Variants in PRDM16 observed in about 807,000 individuals in gnomAD.
PRDM16 encodes histone-lysine N-methyltransferase PRDM16.
PRDM16 carries 23 observed loss-of-function variants against 110.6 expected under a neutral mutation model. The ratio of observed to expected loss-of-function variants is 0.21; its 90% CI spans 0.15 to 0.29. The LOEUF (loss-of-function observed/expected upper bound fraction) is 0.29, where lower values mean the gene tolerates loss of function less well. Ranked by LOEUF, PRDM16 falls within the 10% of genes least tolerant of loss-of-function variation. The pLI, the probability that PRDM16 is intolerant of heterozygous loss-of-function variation, is 1.00. For synonymous variants in PRDM16, 799 were observed against 781.8 expected (o/e 1.02, Z -0.37); for missense variants, 1,615 against 1,794.3 (o/e 0.90, Z 1.81).
At chr1:3,082,447 C>T (rs1193292264) in intron 1 of PRDM16, among the ~76,000 whole-genome samples, 1 of 152,214 alleles carries the variant, frequency 6.6e-6, no homozygotes, top group Non-Finnish European at 1.5e-5. Context: ...GGTGAGGGAC[C>T]TCAGCCTGCA....
intron 1 of PRDM16, among the ~76,000 whole-genome samples, chr1:3,160,612 G>A (rs1040305852): frequency 2.0e-5 from 3 of 152,194 alleles, no homozygotes; most frequent in African/African-American, 7.2e-5. Context: ...GTGCAGGGGA[G>A]GCCTCTGGAC....
intron 1 of PRDM16, among the ~76,000 whole-genome samples, chr1:3,167,923 C>CCT (rs1557497781): frequency 1.1e-3 from 1 of 922 alleles, no homozygotes; most frequent in African/African-American, 4.5e-3. Context: ...GCATCGCCCC[C>CCT]GCTCCTGCCA....
At chr1:3,168,290 C>T (rs1381995334) in intron 1 of PRDM16, among the ~76,000 whole-genome samples, 1 of 35,310 alleles carries the variant, frequency 2.8e-5, no homozygotes, top group Non-Finnish European at 5.4e-5. Context: ...CTGCCATCCT[C>T]CCGCCCCACC....
intron 4 of PRDM16, among the ~76,000 whole-genome samples, chr1:3,395,610 G>A (rs938893244): frequency 1.2e-4 from 19 of 152,204 alleles, no homozygotes; most frequent in South Asian, 4.1e-4. Flanking sequence ...CTCCCGGACC[G>A]AAGACACAGG....
chr1:3,083,662 G>A (rs1363953936), intron 1 of PRDM16, among the ~76,000 whole-genome samples: 2 of 152,138 alleles, frequency 1.3e-5, no homozygotes, highest in African/African-American at 2.4e-5. Context: ...TCCTGCCCTC[G>A]GGGGTTTCCT....
chr1:3,295,467 C>T (rs1311612280), intron 3 of PRDM16, among the ~76,000 whole-genome samples: 2 of 152,178 alleles, frequency 1.3e-5, no homozygotes, highest in Non-Finnish European at 2.9e-5. Context: ...CAGCCCAAAC[C>T]TCCAGGAGCA....
rs1341750606 is a variant in PRDM16, at chr1:3,425,124, C to T, written c.2940-457C>T. 1 of 146,292 alleles carries T rather than the reference C, an allele frequency of 6.8e-6. No individual in the cohort carries two copies. The highest frequency in any genetic ancestry group is 1.5e-5 in the Non-Finnish European group (1 of 68,078). 9.1% of individuals were successfully genotyped at this position (146,292 alleles called of 1,614,324 possible). A position where few individuals can be genotyped will look rare whatever the true frequency, so the allele number is the denominator to read the frequency against. On this transcript the variant is annotated intron_variant, in intron 12 of 16. Transcript: ENST00000270722. This position sits in a 1 kb window ranked among gnomAD's most constrained non-coding sequence, Gnocchi z 6.9. ...ATGGAGTCTCGCTCTGTCGCCCAGG[C>T]TGGAGTGCGGTGGCGTGATCTTGGC...
intron 3 of PRDM16, among the ~76,000 whole-genome samples, chr1:3,289,299 G>A (rs1640922173): frequency 6.6e-6 from 1 of 152,230 alleles, no homozygotes; most frequent in Admixed American, 6.5e-5. Context: ...GCGCTGGCAG[G>A]GAGGGGGTCA....
Position 3,437,752 on chromosome 1 carries a change from A to AAAATAAAT in PRDM16, c.*3957_*3964dup. On this transcript the variant is annotated 3_prime_UTR_variant, in exon 17 of 17. Transcript: ENST00000270722. ...TGATCCGTATTACCACTTTTGGAAA[A>AAAATAAAT]AAATAAATAAATAAATAAATAAAAG... is the stretch of plus-strand genomic sequence containing the variant. The AAAATAAAT allele has an allele frequency of 4.6e-6, 1 of 218,908 alleles. No individual in the cohort carries two copies. The highest frequency in any genetic ancestry group is 9.2e-6 in the Non-Finnish European group (1 of 109,042). The allele number at this position is 218,908 out of a possible 1,614,324, so 13.6% of individuals were successfully genotyped here. A position where few individuals can be genotyped will look rare whatever the true frequency, so the allele number is the denominator to read the frequency against.
chr1:3,089,093 G>A (rs1642215604), intron 1 of PRDM16, among the ~76,000 whole-genome samples: 1 of 152,206 alleles, frequency 6.6e-6, no homozygotes, highest in Non-Finnish European at 1.5e-5. Context: ...GAGATGCAGG[G>A]ATTCTAATAG....
At chr1:3,132,701 G>C (rs924041667) in intron 1 of PRDM16, among the ~76,000 whole-genome samples, 2 of 152,230 alleles carry the variant, frequency 1.3e-5, no homozygotes, top group African/African-American at 4.8e-5. Context: ...CCTCCCAAGA[G>C]AGAGTAGACG....
At position 3,163,443 on chromosome 1, in the gene PRDM16, A is replaced by G. The variant is rs186652622; in HGVS notation, c.38-22682A>G. ...GCGTGCACAGCCGGAGGCCTGAGTGAGCACCTCTGACGGTCCAGCCCAGAG... is the reference window on the plus strand; with the variant it reads ...GCGTGCACAGCCGGAGGCCTGAGTGGGCACCTCTGACGGTCCAGCCCAGAG... On this transcript the variant is annotated intron_variant, in intron 1 of 16. Transcript: ENST00000270722. 1.6e-4 allele frequency among the ~76,000 whole-genome samples: 25 copies of G among 152,318 alleles called. 3 individuals are homozygous for G. Among genetic ancestry groups the G allele is most frequent in the Admixed American group, 1.2e-3 (18 of 15,300 alleles).
At chr1:3,354,670 G>A (rs1464791453) in intron 3 of PRDM16, among the ~76,000 whole-genome samples, 4 of 152,082 alleles carry the variant, frequency 2.6e-5, no homozygotes, top group African/African-American at 7.2e-5. Context: ...TCTGCAGAGC[G>A]TTCCATTTCT....
chr1:3,192,331 G>A (rs756814894), intron 2 of PRDM16, among the ~76,000 whole-genome samples: 26 of 152,246 alleles, frequency 1.7e-4, no homozygotes, highest in East Asian at 5.8e-4. Context: ...TGGGAGTTCC[G>A]GCTGGGTTTT....
chr1:3,114,161 A>ACG (rs1642862372), intron 1 of PRDM16, among the ~76,000 whole-genome samples: 1 of 112,514 alleles, frequency 8.9e-6, no homozygotes, highest in African/African-American at 3.2e-5. Context: ...ACGCACACAC[A>ACG]CACGCACACA....
chr1:3,394,495 G>A (rs1220192179), intron 4 of PRDM16: 4 of 433,288 alleles, frequency 9.2e-6, no homozygotes, highest in Admixed American at 7.4e-5. Flanking sequence ...GAGGGAGGTG[G>A]TGGGTGGGGT....
chr1:3,163,696 C>T (rs1643918913), intron 1 of PRDM16, among the ~76,000 whole-genome samples: 1 of 152,184 alleles, frequency 6.6e-6, no homozygotes, highest in South Asian at 2.1e-4. Flanking sequence ...CCTGGGGCTG[C>T]CGGCATCTTT....
chr1:3,250,928 G>A (rs1639915698), intron 3 of PRDM16, among the ~76,000 whole-genome samples: 1 of 152,222 alleles, frequency 6.6e-6, no homozygotes, highest in African/African-American at 2.4e-5. Context: ...GGCAGGGCAG[G>A]GGGCTGTGTC....
In PRDM16 at chr1:3,175,044, G is replaced by A. The variant is rs1261772979; in HGVS notation, c.38-11081G>A. Among the ~76,000 whole-genome samples, 2 of 152,198 alleles carry A rather than the reference G, an allele frequency of 1.3e-5. No individual in the cohort carries two copies. Among genetic ancestry groups the A allele is most frequent in the African/African-American group, 4.8e-5 (2 of 41,456 alleles). On this transcript the variant is annotated intron_variant, in intron 1 of 16. Transcript: ENST00000270722. This position sits in a 1 kb window ranked among gnomAD's most constrained non-coding sequence, Gnocchi z 4.8. Reference sequence around the variant, plus strand: ...GCCGCGGTCCCGGGCTGGTCAGAAGGTGGGACCAGCGGCCAAGGCTCCTCC... The same window carrying A: ...GCCGCGGTCCCGGGCTGGTCAGAAGATGGGACCAGCGGCCAAGGCTCCTCC...
Sources: allele counts gnomAD v4.1 joint callset (sites outside exome capture counted in the v4.1 genomes callset), GRCh38; gene constraint gnomAD v4.1.1; non-coding constraint Gnocchi (gnomAD v3.1); transcripts MANE v1.5; gene names NCBI Gene and HGNC (gene_info 2026-07-23, HGNC 2026-07-21).